Variants in WWOX observed in about 807,000 individuals in gnomAD.
The protein encoded by WWOX is WW domain-containing oxidoreductase.
Under a neutral mutation model 46.2 loss-of-function variants are expected in WWOX, and 69 were observed. That is an observed-to-expected ratio of 1.49 (90% confidence interval 1.23 to 1.82). The LOEUF (loss-of-function observed/expected upper bound fraction) is 1.82, where lower values mean the gene tolerates loss of function less well. Among genes scored for constraint, WWOX ranks in the 40% most tolerant of loss-of-function variants. WWOX has a pLI of 0.00. For synonymous variants in WWOX, 359 were observed against 202.6 expected (o/e 1.77, Z -6.56); for missense variants, 919 against 542.6 (o/e 1.69, Z -6.89).
At chr16:78,506,755 G>A (rs1462522528) in intron 8 of WWOX, among the ~76,000 whole-genome samples, 1 of 136,104 alleles carries the variant, frequency 7.3e-6, no homozygotes, top group Non-Finnish European at 1.5e-5. Context: ...TGTTGTCCAG[G>A]CTGTAGTGCA....
chr16:78,789,710 A>T (rs1276893366), intron 8 of WWOX, among the ~76,000 whole-genome samples: 1 of 152,204 alleles, frequency 6.6e-6, no homozygotes, highest in South Asian at 2.1e-4. Flanking sequence ...ACTGGCTTGC[A>T]TATTTTTTGA....
intron 5 of WWOX, among the ~76,000 whole-genome samples, chr16:78,288,265 T>G (rs2079802615): frequency 6.7e-6 from 1 of 148,506 alleles, no homozygotes; most frequent in African/African-American, 2.5e-5. Context: ...TTTATGAGTT[T>G]ACTTTTTTTT....
intron 8 of WWOX, among the ~76,000 whole-genome samples, chr16:78,953,395 A>T (rs981316306): frequency 6.6e-6 from 1 of 152,180 alleles, no homozygotes; most frequent in African/African-American, 2.4e-5. Context: ...TGCTAATTGC[A>T]AACACAAAAT....
At chr16:78,541,189 G>A (rs992444634) in intron 8 of WWOX, among the ~76,000 whole-genome samples, 4 of 151,932 alleles carry the variant, frequency 2.6e-5, no homozygotes, top group African/African-American at 9.7e-5. Flanking sequence ...AAATAGACAC[G>A]TACGGCCGGG....
At chr16:78,889,968 C>A (rs1344951781) in intron 8 of WWOX, among the ~76,000 whole-genome samples, 5 of 152,080 alleles carry the variant, frequency 3.3e-5, no homozygotes, top group Admixed American at 3.3e-4. Context: ...TCTCTTCTTT[C>A]AGAAAATGAA....
Position 78,753,848 on chromosome 16 carries a change from ATATATATGTATATG to A in WWOX, c.1056+321102_1056+321115del, listed in dbSNP as rs1405100692. ...AAAATATATATATATATATATATAT[ATATATATGTATATG>A]TATATGTATATATAAATTTAAGGAA... On this transcript the variant is annotated intron_variant, in intron 8 of 8. Coordinates refer to ENST00000566780, the MANE Select transcript of WWOX (RefSeq NM_016373.4). Among the ~76,000 whole-genome samples the A allele has an allele frequency of 3.8e-5, 4 of 104,544 alleles. No individual in the cohort carries two copies. The East Asian group carries it at 7.8e-4, about 20-fold the overall frequency. 68.6% of individuals were successfully genotyped at this position (104,544 alleles called of 152,430 possible). A position where few individuals can be genotyped will look rare whatever the true frequency, so the allele number is the denominator to read the frequency against.
intron 5 of WWOX, chr16:78,241,343 G>A (rs1443937976): frequency 6.6e-6 from 1 of 151,830 alleles, no homozygotes; most frequent in Non-Finnish European, 1.5e-5. Flanking sequence ...GCTTCCTCCT[G>A]TTGCTATCAG....
At chr16:79,033,536 C>T (rs2047807047) in intron 8 of WWOX, among the ~76,000 whole-genome samples, 2 of 152,148 alleles carry the variant, frequency 1.3e-5, no homozygotes, top group East Asian at 1.9e-4. Context: ...TTTCCCCTGG[C>T]CCTCACTACC....
intron 5 of WWOX, among the ~76,000 whole-genome samples, chr16:78,352,443 G>A (rs1449064519): frequency 6.6e-6 from 1 of 152,178 alleles, no homozygotes; most frequent in East Asian, 1.9e-4. Context: ...GCTGTTTCCA[G>A]CTTCCAGGGA....
At chr16:78,769,197 A>T (rs1029248784) in intron 8 of WWOX, among the ~76,000 whole-genome samples, 1 of 152,214 alleles carries the variant, frequency 6.6e-6, no homozygotes, top group African/African-American at 2.4e-5. Context: ...AGATTCATAT[A>T]TGACTATTTC....
At chr16:78,633,363 C>G (rs1342139136) in intron 8 of WWOX, among the ~76,000 whole-genome samples, 2 of 152,180 alleles carry the variant, frequency 1.3e-5, no homozygotes, top group Admixed American at 6.5e-5. Context: ...GGATTTGAAC[C>G]TAGGAGCTCT....
intron 8 of WWOX, among the ~76,000 whole-genome samples, chr16:78,884,767 A>G (rs905779): frequency 0.62 from 94,428 of 152,108 alleles, 30,178 homozygotes; most frequent in African/African-American, 0.78. Flanking sequence ...AATTCATTTA[A>G]TGACACATGT....
intron 6 of WWOX, among the ~76,000 whole-genome samples, chr16:78,414,035 G>T (rs538569038): frequency 6.6e-6 from 1 of 151,908 alleles, no homozygotes; most frequent in African/African-American, 2.4e-5. Flanking sequence ...CCATCAGTGT[G>T]ATTTGTTCCT....
At chr16:78,590,199 G>C (rs1004120457) in intron 8 of WWOX, among the ~76,000 whole-genome samples, 1 of 151,000 alleles carries the variant, frequency 6.6e-6, no homozygotes. Context: ...ATTATAAATA[G>C]AAATTTATTT....
chr16:78,221,900 T>A (rs1353519126), intron 5 of WWOX, among the ~76,000 whole-genome samples: 1 of 152,204 alleles, frequency 6.6e-6, no homozygotes, highest in Non-Finnish European at 1.5e-5. Context: ...GGGTAATTCA[T>A]TGGGCCCTAT....
chr16:78,184,951 G>C (rs374563651), intron 5 of WWOX, among the ~76,000 whole-genome samples: 2 of 152,312 alleles, frequency 1.3e-5, no homozygotes, highest in African/African-American at 4.8e-5. Flanking sequence ...ATCATGAGTT[G>C]CTTGGAGGGA....
At chr16:79,077,011 T>A (rs866767040) in intron 8 of WWOX, among the ~76,000 whole-genome samples, 1 of 152,156 alleles carries the variant, frequency 6.6e-6, no homozygotes, top group African/African-American at 2.4e-5. Flanking sequence ...AAATGACTGT[T>A]TTTATAGGGA....
At chr16:78,356,173 C>T (rs1335247524) in intron 5 of WWOX, among the ~76,000 whole-genome samples, 1 of 146,500 alleles carries the variant, frequency 6.8e-6, no homozygotes, top group East Asian at 2.0e-4. Context: ...GGCGACAGAG[C>T]GAGACTCTGT....
intron 8 of WWOX, among the ~76,000 whole-genome samples, chr16:78,446,990 C>A (rs1278392810): frequency 6.6e-6 from 1 of 152,046 alleles, no homozygotes; most frequent in East Asian, 1.9e-4. Flanking sequence ...ATGCTGTGCC[C>A]TGTGCTTTTC....
Sources: gnomAD v4.1 joint callset for allele counts (sites outside exome capture counted in the v4.1 genomes callset) on GRCh38, gnomAD v4.1.1 for gene constraint, MANE v1.5 for transcripts, NCBI Gene and HGNC (gene_info 2026-07-23, HGNC 2026-07-21) for gene names.